The following KRT77 variants were observed in gnomAD, a reference collection of about 807,000 sequenced individuals.
The protein encoded by KRT77 is keratin 77, also known as keratin, type II cytoskeletal 1b.
A neutral mutation model predicts 51.5 loss-of-function variants in KRT77; 44 were observed. The observed-to-expected ratio is 0.85, with a 90% CI of 0.67 to 1.10. The LOEUF is 1.10. KRT77 is among the 50% of genes least tolerant of loss of function. The pLI is 0.00. For missense variants in KRT77, 763 were observed against 743.9 expected (o/e 1.03, Z -0.30); for synonymous variants, 293 against 302.0 (o/e 0.97, Z 0.31).
In KRT77 at chr12:52,695,623, G is replaced by C. The variant is rs1402508863; in HGVS notation, c.915+149C>G. Reference sequence around the variant, plus strand: ...TCTGAGGATTGGGGTGGAGAGGATGGCTGACTCCAGGCCCACAGAGTTGGG... The same window carrying C: ...TCTGAGGATTGGGGTGGAGAGGATGCCTGACTCCAGGCCCACAGAGTTGGG... On this transcript the variant is annotated intron_variant, in intron 4 of 8. Coordinates refer to ENST00000341809, the MANE Select transcript of KRT77 (RefSeq NM_175078.3). The C allele has an allele frequency of 4.9e-6, 3 of 610,902 alleles. No individual in the cohort carries two copies. The African/African-American group carries it at 5.6e-5, about 11-fold the overall frequency. The allele number at this position is 610,902 out of a possible 1,614,324, so 37.8% of individuals were successfully genotyped here.
rs748046252 is a variant in KRT77 at position 52,691,310 on chromosome 12, C to A, written c.1592G>T (p.Arg531Leu). The A allele has an allele frequency of 2.8e-5, 45 of 1,599,466 alleles. No individual in the cohort carries two copies. The highest frequency in any genetic ancestry group is 3.6e-5 in the Non-Finnish European group (42 of 1,172,620). The stretch of plus-strand genomic sequence containing the variant: ...GCCATAACCGCCTCCACTCCTGCCT[C>A]GTGCCCCGCCTCCGCGGTAGCTTCT... ...GGRSYRGGGA[R>L]GRSGGGYGSG... The change falls in exon 9 of 9, where the codon CGA becomes CTA. Residue 531 changes from arginine to leucine, a missense_variant. Arg to Leu is a moderately radical substitution (Grantham distance 102). Coordinates refer to ENST00000341809, the MANE Select transcript of KRT77 (RefSeq NM_175078.3).
At chr12:52,695,909 A>C in intron 3 of KRT77, 42 bp from the exon 4 acceptor site, 2 of 1,257,972 alleles carry the variant, frequency 1.6e-6, no homozygotes, top group Middle Eastern at 3.8e-4. Context: ...TTGCCCAGGC[A>C]TTGCCTGCCA....
At chr12:52,702,544 GTGTGTGTGTT>G (rs775231881) in intron 1 of KRT77, among the ~76,000 whole-genome samples, 18,357 of 112,898 alleles carry the variant, frequency 0.16, 1,710 homozygotes, top group Middle Eastern at 0.32. Flanking sequence ...GTGTGTGTGT[GTGTGTGTGTT>G]TGTGTGTGTG....
chr12:52,695,651 A>G (rs1284094178), intron 4 of KRT77, 121 bp downstream of exon 4: 2 of 646,206 alleles, frequency 3.1e-6, no homozygotes, highest in African/African-American at 4.2e-5. Context: ...GAGTTGGGGT[A>G]CCTGGGGAGA....
intron 5 of KRT77, among the ~76,000 whole-genome samples, chr12:52,694,151 T>C (rs1486121208): frequency 6.6e-6 from 1 of 152,194 alleles, no homozygotes. Flanking sequence ...CAATTTTAAT[T>C]AAGCTCTGGC....
chr12:52,696,577 C>T (rs1941797572), intron 2 of KRT77, 147 bp from the exon 3 acceptor site: 1 of 682,962 alleles, frequency 1.5e-6, no homozygotes, highest in South Asian at 1.7e-5. Flanking sequence ...GCTGTCCATT[C>T]CCAGAGGCTG....
chr12:52,691,230 C>T lies in KRT77; in HGVS notation c.1672G>A (p.Gly558Arg), dbSNP rs558199424. ...SYGGSGRSGR[G>R]SSRVQIIQTS... is the part of the protein sequence containing the mutation. ...TGGATGATCTGCACGCGCGAGGATCCGCGGCCGCTTCTGCCGCTCCCTCCG... is the reference window on the plus strand; with the variant it reads ...TGGATGATCTGCACGCGCGAGGATCTGCGGCCGCTTCTGCCGCTCCCTCCG... Residue 558 changes from glycine (G) to arginine (R), a missense_variant, in exon 9 of 9, where the codon GGA becomes AGA. Physicochemically the swap from Gly to Arg is moderately radical, Grantham distance 125 (BLOSUM62 -2). Transcript: ENST00000341809. The T allele has an allele frequency of 1.9e-5, 31 of 1,613,832 alleles. No homozygotes were observed. In the South Asian group the frequency reaches 3.0e-4, roughly 15 times the overall value.
chr12:52,694,606 G>A lies in KRT77; in HGVS notation c.1080+20C>T. On this transcript the variant is annotated intron_variant, in intron 5 of 8. Transcript: ENST00000341809. ...GAAGAATCTGTTTTTCTGGGCACCA[G>A]ATCTGGGGGCCACGCCCACCTTGGT... The A allele has an allele frequency of 6.3e-7, 1 of 1,580,816 alleles. No homozygotes were observed. Among genetic ancestry groups the A allele is most frequent in the Non-Finnish European group, 8.6e-7 (1 of 1,159,218 alleles).
intron 7 of KRT77, 36 bp from the exon 8 acceptor site, chr12:52,692,008 A>G: frequency 6.2e-7 from 1 of 1,610,970 alleles, no homozygotes; most frequent in Non-Finnish European, 8.5e-7. Context: ...CCAGACCCAC[A>G]GGGCCTGAGG....
At position 52,691,962 on chromosome 12, in the gene KRT77, C is replaced by T; in HGVS notation, c.1438G>A (p.Glu480Lys). 2 of 1,614,086 alleles carry T rather than the reference C, an allele frequency of 1.2e-6. No individual in the cohort carries two copies. The part of the protein sequence containing the change: ...LEGEESRMSG[E>K]LQSHVSISVQ... ...CAGATGCTCACATGGCTCTGCAGCT[C>T]TCCTGACATCCTGTAAAACCAAAGC... is the stretch of plus-strand genomic sequence containing the variant. Residue 480 changes from glutamate to lysine, a missense_variant, in exon 8 of 9, where the codon GAG becomes AAG. By Grantham distance (56) the Glu-to-Lys change is moderately conservative. Coordinates refer to ENST00000341809, the MANE Select transcript of KRT77 (RefSeq NM_175078.3).
intron 1 of KRT77, among the ~76,000 whole-genome samples, chr12:52,702,554 T>TGTGTGTGTG (rs1565655562): frequency 0.025 from 1,533 of 62,198 alleles, 61 homozygotes; most frequent in East Asian, 0.052. Context: ...GTGTGTGTGT[T>TGTGTGTGTG]TGTGTGTGTG....
rs768580339 is a variant in KRT77, at chr12:52,695,860, T to A, written c.827A>T (p.Asp276Val). The A allele has an allele frequency of 5.6e-6, 9 of 1,608,002 alleles. No homozygotes were observed. Among genetic ancestry groups the A allele is most frequent in the Non-Finnish European group, 7.7e-6 (9 of 1,174,410 alleles). Residue 276 changes from aspartate (D) to valine (V), a missense_variant, in exon 4 of 9, where the codon GAT (aspartate) becomes GTT (valine). Asp to Val is a radical substitution (Grantham distance 152). Transcript: ENST00000341809. ...NDFVVLKKDVDAAYVSKVDLE... is the reference protein window; with the variant it reads ...NDFVVLKKDVVAAYVSKVDLE... ...GTCCACTTTGCTCACATAAGCAGCA[T>A]CCACATCCTGAATAGCAGGCAGAAA...
chr12:52,693,381 A>C, intron 5 of KRT77: 1 of 152,312 alleles, frequency 6.6e-6, no homozygotes, highest in Non-Finnish European at 1.5e-5. Context: ...ATTAGTCAGA[A>C]CTCCACCCCC....
intron 1 of KRT77, among the ~76,000 whole-genome samples, chr12:52,699,844 A>C (rs1223903443): frequency 6.6e-6 from 1 of 152,206 alleles, no homozygotes; most frequent in African/African-American, 2.4e-5. Context: ...GGGCAGGCCT[A>C]TGTCTACTTT....
At chr12:52,698,964 C>T (rs1013345772) in intron 1 of KRT77, among the ~76,000 whole-genome samples, 16 of 152,332 alleles carry the variant, frequency 1.1e-4, no homozygotes, top group South Asian at 2.1e-4. Flanking sequence ...CCAAATCCCC[C>T]GGCCCTTGAG....
chr12:52,701,940 A>G (rs1297127596), intron 1 of KRT77, among the ~76,000 whole-genome samples: 4 of 151,280 alleles, frequency 2.6e-5, no homozygotes, highest in African/African-American at 9.7e-5. Context: ...TCTCTCCTCC[A>G]CCCCTTGGTA....
Position 52,692,124 on chromosome 12 carries a change from T to C in KRT77, c.1428-152A>G, listed in dbSNP as rs1413324457. 1.9e-5 allele frequency: 16 copies of C among 851,914 alleles called. No homozygotes were observed. In the East Asian group the frequency reaches 4.3e-4, roughly 23 times the overall value. The allele number at this position is 851,914 out of a possible 1,614,324, so 52.8% of individuals were successfully genotyped here. On this transcript the variant is annotated intron_variant, in intron 7 of 8. Transcript: ENST00000341809. ...AGGAAGCCAGTGGGGCAGAGAGAAA[T>C]TTCAGGGTTTTCATGAAGCCTTTTA...
At chr12:52,691,528 C>T in intron 8 of KRT77, 89 bp from the exon 9 acceptor site, 2 of 1,410,246 alleles carry the variant, frequency 1.4e-6, no homozygotes, top group African/African-American at 1.4e-5. Flanking sequence ...CCTCCTCCAT[C>T]CTCGATCACC....
Position 52,693,127 on chromosome 12 carries a change from C to T in KRT77, c.1081-247G>A, listed in dbSNP as rs898326145. Among the ~76,000 whole-genome samples, 8 of 150,958 alleles carry T rather than the reference C, an allele frequency of 5.3e-5. No individual in the cohort carries two copies. The East Asian group carries it at 1.4e-3, about 26-fold the overall frequency. On this transcript the variant is annotated intron_variant, in intron 5 of 8. Coordinates refer to ENST00000341809, the MANE Select transcript of KRT77 (RefSeq NM_175078.3). ...ACCAGTCTCTGGGCAGACTCTCATC[C>T]CAGCCAGACAAACCTGCTTTGTGAT...
Sources: gnomAD v4.1 joint callset for allele counts (sites outside exome capture counted in the v4.1 genomes callset) on GRCh38, gnomAD v4.1.1 for gene constraint, MANE v1.5 for transcripts, NCBI Gene and HGNC (gene_info 2026-07-23, HGNC 2026-07-21) for gene names.